The following LINGO1 variants were observed in gnomAD, a reference collection of about 807,000 sequenced individuals.
The protein encoded by LINGO1 is leucine-rich repeat and immunoglobulin-like domain-containing nogo receptor-interacting protein 1.
Under a neutral mutation model 37.3 loss-of-function variants are expected in LINGO1, and 11 were observed. The ratio of observed to expected loss-of-function variants is 0.29; its 90% CI spans 0.19 to 0.49. The LOEUF (loss-of-function observed/expected upper bound fraction) is 0.49, where lower values mean the gene tolerates loss of function less well. Among genes scored for constraint, LINGO1 ranks in the 20% least tolerant of loss-of-function variants. The probability of loss-of-function intolerance (pLI) is 0.99; values close to 1 mark genes in which losing one functional copy is unlikely to be tolerated. For missense variants in LINGO1, 585 were observed against 878.2 expected (o/e 0.67, Z 4.22); for synonymous variants, 387 against 403.0 (o/e 0.96, Z 0.48).
intron 3 of LINGO1, among the ~76,000 whole-genome samples, chr15:77,673,720 T>C (rs1245597191): frequency 6.6e-6 from 1 of 152,186 alleles, no homozygotes; most frequent in South Asian, 2.1e-4. Context: ...TTTATGCTGA[T>C]AGCCCCAAAT....
chr15:77,670,764 C>T (rs2075233906), intron 3 of LINGO1, among the ~76,000 whole-genome samples: 1 of 152,226 alleles, frequency 6.6e-6, no homozygotes, highest in South Asian at 2.1e-4. Context: ...CCAGGGCGGC[C>T]AGGGGCCAGC....
rs563380130 is a variant in LINGO1, at chr15:77,716,529, G to A, written c.-195+18463C>T. Among the ~76,000 whole-genome samples the A allele has an allele frequency of 2.3e-4, 35 of 149,756 alleles. 3 individuals are homozygous for A. Among genetic ancestry groups the A allele is most frequent in the South Asian group, 1.5e-3 (7 of 4,596 alleles). Reference sequence around the variant, plus strand: ...CACTGTGATCCGGAGTCCAAGACACGTGCAGGAATACACACACACACGCAC... The same window carrying A: ...CACTGTGATCCGGAGTCCAAGACACATGCAGGAATACACACACACACGCAC... On this transcript the variant is annotated intron_variant, in intron 2 of 3. Transcript: ENST00000561686.
At chr15:77,742,886 C>T (rs1459138705) in intron 1 of LINGO1, among the ~76,000 whole-genome samples, 1 of 152,176 alleles carries the variant, frequency 6.6e-6, no homozygotes, top group Non-Finnish European at 1.5e-5. Context: ...GTGGACCAGC[C>T]CTGGCAGTTC....
upstream of LINGO1, among the ~76,000 whole-genome samples, chr15:77,699,756 A>AACACATACTAACCATCACCT (rs2075755919): frequency 6.6e-6 from 1 of 151,620 alleles, no homozygotes. Flanking sequence ...GCACACAGTA[A>AACACATACTAACCATCACCT]GCACATACTA....
chr15:77,613,441 C>A lies in LINGO1; in HGVS notation c.*603G>T. 1 of 155,268 alleles carries A rather than the reference C, an allele frequency of 6.4e-6. No individual in the cohort carries two copies. The highest frequency in any genetic ancestry group is 1.4e-5 in the Non-Finnish European group (1 of 69,846). The allele number at this position is 155,268 out of a possible 1,614,324, so 9.6% of individuals were successfully genotyped here. On this transcript the variant is annotated 3_prime_UTR_variant, in exon 2 of 2. Transcript: ENST00000355300. Reference sequence around the variant, plus strand: ...CAAAAAGCCAGCCCGGAGCTGGGCCCAGGCCTGCCCCCTAGCCTGCTCCTG... The same window carrying A: ...CAAAAAGCCAGCCCGGAGCTGGGCCAAGGCCTGCCCCCTAGCCTGCTCCTG...
Position 77,682,277 on chromosome 15 carries a change from AGTGT to A in LINGO1, c.-98-5107_-98-5104del, listed in dbSNP as rs10581838. ...ATACTCATATGGCAGTAGAGATTAA[AGTGT>A]GTGTGTGTGTGTGTGTGTGTGTGTG... On this transcript the variant is annotated intron_variant, in intron 2 of 3. Transcript: ENST00000559893. Among the ~76,000 whole-genome samples the A allele has an allele frequency of 4.1e-3, 569 of 139,836 alleles. 3 individuals carry two copies. Among genetic ancestry groups the A allele is most frequent in the South Asian group, 0.012 (50 of 4,122 alleles). The allele number at this position is 139,836 out of a possible 152,430, so 91.7% of individuals were successfully genotyped here.
intron 1 of LINGO1, among the ~76,000 whole-genome samples, chr15:77,803,480 A>G (rs1337379890): frequency 6.6e-6 from 1 of 152,130 alleles, no homozygotes. Flanking sequence ...TGAAGAAAAA[A>G]AAAAAAGATG....
rs578160276 is a variant in LINGO1 at position 77,783,603 on chromosome 15, G to A, written c.-257+3266C>T. 2.0e-5 allele frequency among the ~76,000 whole-genome samples: 3 copies of A among 152,288 alleles called. No individual in the cohort carries two copies. The East Asian group carries it at 5.8e-4, about 29-fold the overall frequency. ...TCACCCCTCTGAGCCCGGTTTCTTC[G>A]TCCATTTAATGGGGATAATCCCAGG... On this transcript the variant is annotated intron_variant, in intron 1 of 3. Transcript: ENST00000561686.
intron 2 of LINGO1, among the ~76,000 whole-genome samples, chr15:77,682,424 A>T (rs1301512859): frequency 6.6e-6 from 1 of 151,954 alleles, no homozygotes; most frequent in African/African-American, 2.4e-5. Context: ...AAGCATGTAC[A>T]TATGTGTGCA....
intron 2 of LINGO1, among the ~76,000 whole-genome samples, chr15:77,725,376 C>T (rs894936435): frequency 4.6e-5 from 7 of 152,230 alleles, no homozygotes; most frequent in Admixed American, 2.6e-4. Flanking sequence ...GGAAACATAT[C>T]GAGACCCTGT....
At chr15:77,757,987 A>G (rs915396192) in intron 1 of LINGO1, among the ~76,000 whole-genome samples, 1 of 152,240 alleles carries the variant, frequency 6.6e-6, no homozygotes, top group African/African-American at 2.4e-5. Flanking sequence ...CTTCCCACTC[A>G]GGAAAAATAT....
intron 1 of LINGO1, among the ~76,000 whole-genome samples, chr15:77,624,433 G>C (rs1178447241): frequency 6.6e-6 from 1 of 152,070 alleles, no homozygotes; most frequent in African/African-American, 2.4e-5. Context: ...GCACGCACTC[G>C]GCCACCCTGC....
intron 1 of LINGO1, among the ~76,000 whole-genome samples, chr15:77,748,343 G>A (rs1398304478): frequency 1.3e-5 from 2 of 152,226 alleles, no homozygotes; most frequent in African/African-American, 4.8e-5. Flanking sequence ...TTCTAATCAT[G>A]TCCCTCAATC....
At chr15:77,699,585 C>CATT (rs1419755081), upstream of LINGO1, among the ~76,000 whole-genome samples, 2 of 8,380 alleles carry the variant, frequency 2.4e-4, no homozygotes, top group Non-Finnish European at 2.4e-4. Context: ...TACTAACCAT[C>CATT]CCCGCACACA....
intron 1 of LINGO1, among the ~76,000 whole-genome samples, chr15:77,809,968 T>C (rs2076990288): frequency 6.6e-6 from 1 of 151,998 alleles, no homozygotes; most frequent in Non-Finnish European, 1.5e-5. Context: ...TGTCCTGATG[T>C]CTCTGCCTTT....
intron 1 of LINGO1, among the ~76,000 whole-genome samples, chr15:77,808,692 A>G (rs888493457): frequency 6.6e-6 from 1 of 152,162 alleles, no homozygotes; most frequent in Non-Finnish European, 1.5e-5. Context: ...TAGCTGCGTG[A>G]TCTCCACCAA....
At chr15:77,685,436 T>C (rs2075490995) in intron 2 of LINGO1, among the ~76,000 whole-genome samples, 1 of 152,126 alleles carries the variant, frequency 6.6e-6, no homozygotes, top group Admixed American at 6.5e-5. Flanking sequence ...AGGGAGGCAG[T>C]GGACATGTCT....
intron 2 of LINGO1, among the ~76,000 whole-genome samples, chr15:77,678,212 C>A (rs779401437): frequency 2.0e-5 from 3 of 152,150 alleles, no homozygotes; most frequent in Non-Finnish European, 4.4e-5. Context: ...TAAAACTGAC[C>A]CTCTCTAGTG....
chr15:77,753,319 G>A (rs1596191208), intron 1 of LINGO1, among the ~76,000 whole-genome samples: 1 of 152,200 alleles, frequency 6.6e-6, no homozygotes, highest in Non-Finnish European at 1.5e-5. Flanking sequence ...GCTTCCGTGG[G>A]CCCTTGGATA....
Sources: gnomAD v4.1 joint callset for allele counts (sites outside exome capture counted in the v4.1 genomes callset) on GRCh38, gnomAD v4.1.1 for gene constraint, MANE v1.5 for transcripts, NCBI Gene and HGNC (gene_info 2026-07-23, HGNC 2026-07-21) for gene names.